The following TMEM134 variants were observed in gnomAD, a reference collection of about 807,000 sequenced individuals.
TMEM134 encodes the protein transmembrane protein 134.
Under a neutral mutation model 26.2 loss-of-function variants are expected in TMEM134, and 36 were observed. The observed-to-expected ratio is 1.37, with a 90% CI of 1.05 to 1.81. The LOEUF (loss-of-function observed/expected upper bound fraction) is 1.81, where lower values mean the gene tolerates loss of function less well. Ranked by LOEUF, TMEM134 falls within the 40% of genes most tolerant of loss-of-function variation. The pLI is 0.00. For missense variants in TMEM134, 339 were observed against 263.5 expected (o/e 1.29, Z -1.98); for synonymous variants, 133 against 113.6 (o/e 1.17, Z -1.08).
rs1301315927 is a variant in TMEM134, at chr11:67,462,161, C to T, written c.*2453G>A. On this transcript the variant is annotated 3_prime_UTR_variant, in exon 7 of 7. Coordinates refer to ENST00000308022, the MANE Select transcript of TMEM134 (RefSeq NM_025124.4). ...CTCCAGCCTGGGAGACAGTGAGACT[C>T]GTCTCAAAAAAAAAACAAAAAAAAA... The T allele has an allele frequency of 4.2e-5, 5 of 117,734 alleles. No individual in the cohort carries two copies. Among genetic ancestry groups the T allele is most frequent in the Non-Finnish European group, 8.3e-5 (5 of 60,500 alleles). 7.3% of individuals were successfully genotyped at this position (117,734 alleles called of 1,614,324 possible).
rs780506867 is a variant in TMEM134, at chr11:67,464,755, G to A, written c.505+48C>T. The stretch of plus-strand genomic sequence containing the variant: ...GCCCCTCCCCGCAACACCGCCCCCA[G>A]TGCCGCCCCACAGCCCCCGCCCCTT... On this transcript the variant is annotated intron_variant, in intron 6 of 6. Coordinates refer to ENST00000308022, the MANE Select transcript of TMEM134 (RefSeq NM_025124.4). 26 of 1,412,936 alleles carry A rather than the reference G, an allele frequency of 1.8e-5. No individual in the cohort carries two copies. In the African/African-American group the frequency reaches 3.4e-4, roughly 18 times the overall value. 87.5% of individuals were successfully genotyped at this position (1,412,936 alleles called of 1,614,324 possible). A position where few individuals can be genotyped will look rare whatever the true frequency, so the allele number is the denominator to read the frequency against.
chr11:67,464,035 G>A lies in TMEM134; in HGVS notation c.*579C>T, dbSNP rs772309459. On this transcript the variant is annotated 3_prime_UTR_variant, in exon 7 of 7. Transcript: ENST00000308022. ...GAGCCAGGCTGGAACTAGGATACCA[G>A]CCTCCAGGTCCCAGGCCTGCGTCAT... 2 of 158,766 alleles carry A rather than the reference G, an allele frequency of 1.3e-5. No homozygotes were observed. The highest frequency in any genetic ancestry group is 4.8e-5 in the African/African-American group (2 of 41,468). The allele number at this position is 158,766 out of a possible 1,614,324, so 9.8% of individuals were successfully genotyped here. A position where few individuals can be genotyped will look rare whatever the true frequency, so the allele number is the denominator to read the frequency against.
chr11:67,466,844 T>G (rs1865281765), intron 4 of TMEM134: 1 of 184,330 alleles, frequency 5.4e-6, no homozygotes, highest in African/African-American at 2.4e-5. Flanking sequence ...AGTGCTTAGA[T>G]GCCAGACAAG....
At position 67,464,641 on chromosome 11, in the gene TMEM134, G is replaced by T. The variant is rs1062732; in HGVS notation, c.561C>A (p.Phe187Leu). 36 of 1,553,280 alleles carry T rather than the reference G, an allele frequency of 2.3e-5. No individual in the cohort carries two copies. The highest frequency in any genetic ancestry group is 3.1e-5 in the Non-Finnish European group (36 of 1,147,852). ...ACTTCTCGAAGTAGGGCAGGTAGAA[G>T]AACTGGAAGCCCCGGTGGCCCTTGA... is the stretch of plus-strand genomic sequence containing the variant. ...CAVKGHRGFQ[F>L]FYLPYFEK Residue 187 changes from phenylalanine to leucine, a missense_variant, in exon 7 of 7, where the codon TTC (phenylalanine) becomes TTA (leucine). Transcript: ENST00000308022.
At chr11:67,468,650 G>A (rs1447467552) in intron 1 of TMEM134, among the ~76,000 whole-genome samples, 1 of 152,188 alleles carries the variant, frequency 6.6e-6, no homozygotes, top group African/African-American at 2.4e-5. Flanking sequence ...CTGGCCTGGG[G>A]CACAGGGGAT....
In TMEM134 at chr11:67,468,692, A is replaced by AT. The variant is rs1289143575; in HGVS notation, c.174+326dup. On this transcript the variant is annotated intron_variant, in intron 1 of 6. Coordinates refer to ENST00000308022, the MANE Select transcript of TMEM134 (RefSeq NM_025124.4). Reference sequence around the variant, plus strand: ...GCGTGTGGGGCAAGGTCTGGTTCAGATACAGAGGAGCTCCCCCAACCCAGC... The same window carrying AT: ...GCGTGTGGGGCAAGGTCTGGTTCAGATTACAGAGGAGCTCCCCCAACCCAGC... Among the ~76,000 whole-genome samples the AT allele has an allele frequency of 3.9e-5, 6 of 152,242 alleles. No homozygotes were observed. The South Asian group carries it at 1.2e-3, about 32-fold the overall frequency.
Position 67,464,669 on chromosome 11 carries a change from G to C in TMEM134, c.533C>G (p.Ala178Gly), listed in dbSNP as rs1188911689. 1.5e-5 allele frequency: 23 copies of C among 1,553,816 alleles called. No homozygotes were observed. The highest frequency in any genetic ancestry group is 1.9e-5 in the Non-Finnish European group (22 of 1,148,166). ...CTGGAAGCCCCGGTGGCCCTTGACC[G>C]CGCAGTAGATGAAGATCACGTGATA... ...GVYHVIFIYC[A>G]VKGHRGFQFF... Residue 178 changes from alanine to glycine, a missense_variant, in exon 7 of 7, where the codon GCG becomes GGG. Transcript: ENST00000308022.
chr11:67,462,314 TTA>T lies in TMEM134; in HGVS notation c.*2298_*2299del, dbSNP rs1185643823. ...TGATTATATTTATTGAAATGTAATTTTATGTCTAATTAATCTGATAAACTGTG... is the reference window on the plus strand; with the variant it reads ...TGATTATATTTATTGAAATGTAATTTTGTCTAATTAATCTGATAAACTGTG... On this transcript the variant is annotated 3_prime_UTR_variant, in exon 7 of 7. Coordinates refer to ENST00000308022, the MANE Select transcript of TMEM134 (RefSeq NM_025124.4). The T allele has an allele frequency of 1.3e-5, 2 of 152,144 alleles. No individual in the cohort carries two copies. The highest frequency in any genetic ancestry group is 2.9e-5 in the Non-Finnish European group (2 of 68,044). The allele number at this position is 152,144 out of a possible 1,614,324, so 9.4% of individuals were successfully genotyped here. A position where few individuals can be genotyped will look rare whatever the true frequency, so the allele number is the denominator to read the frequency against.
rs1865076957 is a variant in TMEM134, at chr11:67,463,518, T to C, written c.*1096A>G. Reference sequence around the variant, plus strand: ...AGTGAAGATTACAAGATATAACCCGTGTTCAGTGCTTAGCGCAGGGCCTAG... The same window carrying C: ...AGTGAAGATTACAAGATATAACCCGCGTTCAGTGCTTAGCGCAGGGCCTAG... On this transcript the variant is annotated 3_prime_UTR_variant, in exon 7 of 7. Transcript: ENST00000308022. 1 of 151,882 alleles carries C rather than the reference T, an allele frequency of 6.6e-6. No individual in the cohort carries two copies. The highest frequency in any genetic ancestry group is 2.4e-5 in the African/African-American group (1 of 41,322). 9.4% of individuals were successfully genotyped at this position (151,882 alleles called of 1,614,324 possible).
At chr11:67,467,432 AG>A in intron 3 of TMEM134, 44 bp from the exon 4 acceptor site, 1 of 1,577,554 alleles carries the variant, frequency 6.3e-7, no homozygotes, top group Non-Finnish European at 8.7e-7. Flanking sequence ...AGGTGGAGGG[AG>A]GGGGTGCAGG....
chr11:67,468,195 C>A, intron 1 of TMEM134, 103 bp from the exon 2 acceptor site: 1 of 1,107,318 alleles, frequency 9.0e-7, no homozygotes, highest in South Asian at 1.4e-5. Flanking sequence ...TGCCTGGCCG[C>A]CTGGCAGCTG....
In TMEM134 at chr11:67,464,191, C is replaced by G. The variant is rs1050949917; in HGVS notation, c.*423G>C. Reference sequence around the variant, plus strand: ...CAGGAGTCCTACGCCCAGCTCTGCCCCTAACATGCCCCGTGCCCTTGGGCA... The same window carrying G: ...CAGGAGTCCTACGCCCAGCTCTGCCGCTAACATGCCCCGTGCCCTTGGGCA... On this transcript the variant is annotated 3_prime_UTR_variant, in exon 7 of 7. Transcript: ENST00000308022. 1 of 267,166 alleles carries G rather than the reference C, an allele frequency of 3.7e-6. No homozygotes were observed. The highest frequency in any genetic ancestry group is 7.4e-6 in the Non-Finnish European group (1 of 135,916). The allele number at this position is 267,166 out of a possible 1,614,324, so 16.5% of individuals were successfully genotyped here. A position where few individuals can be genotyped will look rare whatever the true frequency, so the allele number is the denominator to read the frequency against.
At chr11:67,468,226 C>T (rs1865407072) in intron 1 of TMEM134, 134 bp from the exon 2 acceptor site, 5 of 772,296 alleles carry the variant, frequency 6.5e-6, no homozygotes, top group Non-Finnish European at 1.1e-5. Flanking sequence ...CCTCTGCCCT[C>T]CCCGCAGAAC....
intron 2 of TMEM134, 23 bp from the exon 3 acceptor site, chr11:67,467,613 A>G: frequency 2.5e-6 from 4 of 1,611,264 alleles, no homozygotes; most frequent in Non-Finnish European, 3.4e-6. Context: ...GCGCCCAGTG[A>G]GGGGCAGGGA....
Position 67,465,063 on chromosome 11 carries a change from G to A in TMEM134, c.444C>T (p.Pro148=), listed in dbSNP as rs1280220095. 3 of 1,583,594 alleles carry A rather than the reference G, an allele frequency of 1.9e-6. No individual in the cohort carries two copies. The highest frequency in any genetic ancestry group is 1.1e-5 in the South Asian group (1 of 87,858). The part of the protein sequence containing the change: ...ILVGVGLEAT[P]SPGVSSAIFF... ...GGCGGGAGGGTCGCTCACCTGGAGA[G>A]GGGGTCGCCTCCAGTCCCACGCCGA... Residue 148 remains proline (P), a synonymous_variant, in exon 5 of 7, where the codon CCC becomes CCT. Transcript: ENST00000308022.
intron 2 of TMEM134, 142 bp downstream of exon 2, chr11:67,467,872 AGTGTAGGAGACCCT>A (rs1485976790): frequency 1.4e-6 from 1 of 740,570 alleles, no homozygotes; most frequent in Non-Finnish European, 2.2e-6. Context: ...GTGACCCTAC[AGTGTAGGAGACCCT>A]GTGAGGAAAG....
Position 67,469,098 on chromosome 11 carries a change from C to A in TMEM134, c.95G>T (p.Arg32Leu). The A allele has an allele frequency of 6.6e-7, 1 of 1,509,626 alleles. No individual in the cohort carries two copies. The allele number at this position is 1,509,626 out of a possible 1,614,324, so 93.5% of individuals were successfully genotyped here. Residue 32 changes from arginine (R) to leucine (L), a missense_variant, in exon 1 of 7, where the codon CGC becomes CTC. Transcript: ENST00000308022. The stretch of plus-strand genomic sequence containing the variant: ...ACGCTCGAAGTGCAGCGGCCCAAAG[C>A]GCGCGACCCCGCTGGACTCGGGCCC... Reference protein sequence around the residue: ...GPGPESSGVARFGPLHFERRA... With the variant: ...GPGPESSGVALFGPLHFERRA...
At chr11:67,466,277 G>C (rs769641005) in intron 4 of TMEM134, 1 of 152,270 alleles carries the variant, frequency 6.6e-6, no homozygotes, top group Non-Finnish European at 1.5e-5. Flanking sequence ...GAACCCAGGA[G>C]GCAGAGGTTG....
chr11:67,464,594 G>A lies in TMEM134; in HGVS notation c.*20C>T, dbSNP rs1201825772. ...AGAGGGGCGCCCCCATGGGCGCAAG[G>A]GGTCCACGCTGCGCCGCGATCACTT... On this transcript the variant is annotated 3_prime_UTR_variant, in exon 7 of 7. Coordinates refer to ENST00000308022, the MANE Select transcript of TMEM134 (RefSeq NM_025124.4). The A allele has an allele frequency of 8.4e-6, 13 of 1,551,430 alleles. No individual in the cohort carries two copies. The highest frequency in any genetic ancestry group is 2.7e-5 in the African/African-American group (2 of 73,054).
Sources: gnomAD v4.1 joint callset for allele counts (sites outside exome capture counted in the v4.1 genomes callset) on GRCh38, gnomAD v4.1.1 for gene constraint, MANE v1.5 for transcripts, NCBI Gene and HGNC (gene_info 2026-07-23, HGNC 2026-07-21) for gene names.